Variants in AHRR observed in about 807,000 individuals in gnomAD.
The protein encoded by AHRR is aryl hydrocarbon receptor repressor, also known as ahR repressor.
A neutral mutation model predicts 44.0 loss-of-function variants in AHRR; 28 were observed. The observed-to-expected ratio is 0.64, with a 90% CI of 0.47 to 0.87. AHRR has a LOEUF of 0.87. AHRR is among the 40% of genes least tolerant of loss of function. The pLI is 0.00. For synonymous variants in AHRR, 434 were observed against 407.0 expected (o/e 1.07, Z -0.80); for missense variants, 990 against 953.9 (o/e 1.04, Z -0.50).
In AHRR at chr5:321,893, G is replaced by T. The variant is rs1741506356; in HGVS notation, c.-11+74G>T. On this transcript the variant is annotated intron_variant, in intron 1 of 10. Transcript: ENST00000684583. The surrounding 1 kb of genome is among the most constrained non-coding windows in gnomAD (Gnocchi z 8.3). Reference sequence around the variant, plus strand: ...GTGGAGACGGGATGCGCTCCCGGGTGTGGGGCTGAGGGACGGGCGCCGGCG... The same window carrying T: ...GTGGAGACGGGATGCGCTCCCGGGTTTGGGGCTGAGGGACGGGCGCCGGCG... 1 of 152,092 alleles carries T rather than the reference G, an allele frequency of 6.6e-6. No individual in the cohort carries two copies. Among genetic ancestry groups the T allele is most frequent in the Non-Finnish European group, 1.5e-5 (1 of 68,042 alleles). 9.4% of individuals were successfully genotyped at this position (152,092 alleles called of 1,614,324 possible).
At chr5:430,879 G>C (rs771685214) in intron 8 of AHRR, among the ~76,000 whole-genome samples, 1 of 152,224 alleles carries the variant, frequency 6.6e-6, no homozygotes, top group Non-Finnish European at 1.5e-5. Flanking sequence ...TTATTTTAAA[G>C]GATGGAAATG....
chr5:323,689 G>T (rs1560874235), intron 1 of AHRR, among the ~76,000 whole-genome samples: 1 of 152,200 alleles, frequency 6.6e-6, no homozygotes, highest in Non-Finnish European at 1.5e-5. Flanking sequence ...CGCCGGGGGA[G>T]GGGGAGGCAG....
At chr5:328,550 C>T (rs981089169) in intron 1 of AHRR, among the ~76,000 whole-genome samples, 2 of 152,152 alleles carry the variant, frequency 1.3e-5, no homozygotes, top group Non-Finnish European at 1.5e-5. Context: ...TGCACCTGGC[C>T]GTCTTTTTAA....
At chr5:340,976 G>A (rs1453903769) in intron 1 of AHRR, among the ~76,000 whole-genome samples, 1 of 150,364 alleles carries the variant, frequency 6.7e-6, no homozygotes, top group Non-Finnish European at 1.5e-5. Flanking sequence ...GGGATTATAG[G>A]CATGAGCCAC....
chr5:343,150 G>T (rs1742402104), intron 1 of AHRR, among the ~76,000 whole-genome samples: 1 of 151,644 alleles, frequency 6.6e-6, no homozygotes. Flanking sequence ...GGGGGTGATG[G>T]GATCATGTGG....
chr5:359,447 C>G (rs1355418205), intron 3 of AHRR, among the ~76,000 whole-genome samples: 3 of 152,168 alleles, frequency 2.0e-5, no homozygotes, highest in African/African-American at 7.2e-5. Context: ...CTGTGTCCAC[C>G]TCTATGCGTA....
At chr5:428,359 C>T (rs987861629) in intron 8 of AHRR, among the ~76,000 whole-genome samples, 19 of 152,340 alleles carry the variant, frequency 1.2e-4, no homozygotes, top group Non-Finnish European at 2.2e-4. Flanking sequence ...CCCTTCACAC[C>T]GTCTGTCTAT....
At chr5:414,746 T>C (rs1463006516) in intron 5 of AHRR, among the ~76,000 whole-genome samples, 2 of 152,134 alleles carry the variant, frequency 1.3e-5, no homozygotes, top group Non-Finnish European at 2.9e-5. Flanking sequence ...AACAGGTATG[T>C]TTGAGAAAGA....
intron 4 of AHRR, among the ~76,000 whole-genome samples, chr5:399,990 C>T (rs868466351): frequency 6.6e-6 from 1 of 152,214 alleles, no homozygotes; most frequent in African/African-American, 2.4e-5. Flanking sequence ...CCCCATGGAG[C>T]GGCCCCTGTG....
In AHRR at chr5:388,620, G is replaced by A. The variant is rs1006495207; in HGVS notation, c.351+11904G>A. Among the ~76,000 whole-genome samples the A allele has an allele frequency of 6.6e-5, 10 of 152,304 alleles. No homozygotes were observed. Among genetic ancestry groups the A allele is most frequent in the South Asian group, 4.1e-4 (2 of 4,828 alleles). On this transcript the variant is annotated intron_variant, in intron 4 of 10. Transcript: ENST00000684583. This position sits in a 1 kb window ranked among gnomAD's most constrained non-coding sequence, Gnocchi z 5.2. Reference sequence around the variant, plus strand: ...CCAGGCAGCCCTGAGGGGCCGAGCCGACTGGAGGGGCACAGCCTGGCATGG... The same window carrying A: ...CCAGGCAGCCCTGAGGGGCCGAGCCAACTGGAGGGGCACAGCCTGGCATGG...
chr5:324,748 C>T (rs1741642816), intron 1 of AHRR, among the ~76,000 whole-genome samples: 1 of 152,106 alleles, frequency 6.6e-6, no homozygotes, highest in South Asian at 2.1e-4. Flanking sequence ...AAAGTCACAC[C>T]ATTGCACTCC....
At chr5:392,957 C>T (rs748025853) in intron 4 of AHRR, among the ~76,000 whole-genome samples, 12 of 152,106 alleles carry the variant, frequency 7.9e-5, no homozygotes, top group Non-Finnish European at 8.8e-5. Flanking sequence ...CCACACCAAG[C>T]GCCGTCTTTC....
At chr5:322,081 T>C (rs1008655709) in intron 1 of AHRR, among the ~76,000 whole-genome samples, 5 of 149,808 alleles carry the variant, frequency 3.3e-5, no homozygotes, top group African/African-American at 1.2e-4. Context: ...CCCTCGAGAG[T>C]GTTCTGAGCC....
chr5:344,882 G>A (rs1742545964), intron 2 of AHRR, among the ~76,000 whole-genome samples: 1 of 138,278 alleles, frequency 7.2e-6, no homozygotes, highest in Non-Finnish European at 1.6e-5. Context: ...GTGCAGGTGT[G>A]CGAAGCTGTG....
chr5:353,761 C>A lies in AHRR; in HGVS notation c.94C>A (p.Pro32Thr). Residue 32 changes from proline to threonine, a missense_variant, in exon 3 of 11, where the codon CCC (proline) becomes ACC (threonine). Coordinates refer to ENST00000684583, the MANE Select transcript of AHRR (RefSeq NM_001377236.1). ...CGCCGTGGGGGCAGAGAAGTCCAAC[C>A]CCTCCAAGCGACACCGGGACCGCCT... ...RPAVGAEKSN[P>T]SKRHRDRLNA... 6.2e-7 allele frequency: 1 copy of A among 1,612,728 alleles called. No homozygotes were observed. Among genetic ancestry groups the A allele is most frequent in the Non-Finnish European group, 8.5e-7 (1 of 1,179,792 alleles).
rs957311174 is a variant in AHRR, at chr5:353,177, C to T, written c.63-553C>T. On this transcript the variant is annotated intron_variant, in intron 2 of 10. Coordinates refer to ENST00000684583, the MANE Select transcript of AHRR (RefSeq NM_001377236.1). The stretch of plus-strand genomic sequence containing the variant: ...GTGGCAGGCACCTGGTCTCATTTGC[C>T]CTGGGTACTCTCCCCTCAGCCCCAG... 3.3e-5 allele frequency among the ~76,000 whole-genome samples: 5 copies of T among 152,292 alleles called. No homozygotes were observed. In the East Asian group the frequency reaches 9.7e-4, roughly 29 times the overall value.
chr5:406,284 G>T lies in AHRR; in HGVS notation c.352-7060G>T, dbSNP rs1735257943. Among the ~76,000 whole-genome samples the T allele has an allele frequency of 6.6e-6, 1 of 152,162 alleles. No homozygotes were observed. The highest frequency in any genetic ancestry group is 1.5e-5 in the Non-Finnish European group (1 of 68,024). The stretch of plus-strand genomic sequence containing the variant: ...CGCCTCTTGTCTGCATTTCTTGCAG[G>T]AACATGGAGGGACCGGAACATGGAG... On this transcript the variant is annotated intron_variant, in intron 4 of 10. Coordinates refer to ENST00000684583, the MANE Select transcript of AHRR (RefSeq NM_001377236.1). This position sits in a 1 kb window ranked among gnomAD's most constrained non-coding sequence, Gnocchi z 4.7.
rs70955232 is a variant in AHRR, at chr5:328,255, A to ATTTTTTT, written c.-11+6460_-11+6466dup. ...TTCTCTGCATCCTCACCAACATCTGATTTTTTTTTTTTTTTTTTTTTTTTT... is the reference window on the plus strand; with the variant it reads ...TTCTCTGCATCCTCACCAACATCTGATTTTTTTTTTTTTTTTTTTTTTTTTTTTTTTT... On this transcript the variant is annotated intron_variant, in intron 1 of 10. Transcript: ENST00000684583. Among the ~76,000 whole-genome samples the ATTTTTTT allele has an allele frequency of 9.0e-4, 49 of 54,286 alleles. 7 individuals are homozygous for ATTTTTTT. Among genetic ancestry groups the ATTTTTTT allele is most frequent in the African/African-American group, 1.7e-3 (28 of 16,818 alleles). The allele number at this position is 54,286 out of a possible 152,430, so 35.6% of individuals were successfully genotyped here.
intron 8 of AHRR, chr5:432,169 T>A (rs949526114): frequency 5.4e-6 from 2 of 369,076 alleles, no homozygotes; most frequent in Non-Finnish European, 1.0e-5. Flanking sequence ...AGGAAAAAAA[T>A]ATAAGCTCTA....
Sources: gnomAD v4.1 joint callset for allele counts (sites outside exome capture counted in the v4.1 genomes callset) on GRCh38, gnomAD v4.1.1 for gene constraint, Gnocchi (gnomAD v3.1) non-coding constraint, MANE v1.5 for transcripts, NCBI Gene and HGNC (gene_info 2026-07-23, HGNC 2026-07-21) for gene names.